Variants in ARID5B observed in about 807,000 individuals in gnomAD.
The protein encoded by ARID5B is AT-rich interaction domain 5B.
ARID5B carries 13 observed loss-of-function variants against 97.2 expected under a neutral mutation model. That is an observed-to-expected ratio of 0.13 (90% confidence interval 0.09 to 0.21). ARID5B has a LOEUF of 0.21. ARID5B is among the 10% of genes least tolerant of loss of function. The pLI, the probability that ARID5B is intolerant of heterozygous loss-of-function variation, is 1.00. For synonymous variants in ARID5B, 556 were observed against 570.3 expected (o/e 0.97, Z 0.36); for missense variants, 1,210 against 1,465.3 (o/e 0.83, Z 2.84).
rs1844372288 is a variant in ARID5B at position 61,940,039 on chromosome 10, T to A, written c.277-144T>A. 4 of 659,894 alleles carry A rather than the reference T, an allele frequency of 6.1e-6. No homozygotes were observed. In the South Asian group the frequency reaches 7.6e-5, roughly 13 times the overall value. The allele number at this position is 659,894 out of a possible 1,614,324, so 40.9% of individuals were successfully genotyped here. A position where few individuals can be genotyped will look rare whatever the true frequency, so the allele number is the denominator to read the frequency against. ...TTGAAATGAAGTGAGTTACTAAAGATTCTGTGTCACCAGAATGCACACAGT... is the reference window on the plus strand; with the variant it reads ...TTGAAATGAAGTGAGTTACTAAAGAATCTGTGTCACCAGAATGCACACAGT... On this transcript the variant is annotated intron_variant, in intron 2 of 9. Coordinates refer to ENST00000279873, the MANE Select transcript of ARID5B (RefSeq NM_032199.3).
At chr10:62,067,495 C>G (rs1231274679) in intron 7 of ARID5B, among the ~76,000 whole-genome samples, 1 of 152,226 alleles carries the variant, frequency 6.6e-6, no homozygotes, top group Non-Finnish European at 1.5e-5. Flanking sequence ...ATGCTGTCCT[C>G]TTAGCTAGAT....
chr10:62,006,157 C>T (rs1839143639), intron 4 of ARID5B, among the ~76,000 whole-genome samples: 1 of 152,094 alleles, frequency 6.6e-6, no homozygotes, highest in Non-Finnish European at 1.5e-5. Context: ...AATGGTCTAA[C>T]CAGGCTGGGC....
At chr10:61,918,379 T>C (rs1843947423) in intron 2 of ARID5B, among the ~76,000 whole-genome samples, 2 of 152,194 alleles carry the variant, frequency 1.3e-5, no homozygotes, top group Admixed American at 1.3e-4. Flanking sequence ...TCAAGTGAGA[T>C]GCTTATGGGC....
chr10:61,949,808 G>C (rs1052928660), intron 3 of ARID5B, among the ~76,000 whole-genome samples: 1 of 152,168 alleles, frequency 6.6e-6, no homozygotes, highest in Non-Finnish European at 1.5e-5. Flanking sequence ...TTCATTTATG[G>C]TCCTATTCCT....
At position 61,901,784 on chromosome 10, in the gene ARID5B, C is replaced by A. The variant is rs1360294141; in HGVS notation, c.21+54C>A. 2.6e-6 allele frequency: 4 copies of A among 1,532,350 alleles called. No individual in the cohort carries two copies. In the South Asian group the frequency reaches 3.4e-5, roughly 13 times the overall value. 94.9% of individuals were successfully genotyped at this position (1,532,350 alleles called of 1,614,324 possible). On this transcript the variant is annotated intron_variant, in intron 1 of 9. Coordinates refer to ENST00000279873, the MANE Select transcript of ARID5B (RefSeq NM_032199.3). ...CCCGGCACCCCCCGGCACCCCCCAA[C>A]CCCCCAGCTCACCCACACCTCTGCA... is the stretch of plus-strand genomic sequence containing the variant.
chr10:62,021,620 T>C (rs1261175755), intron 4 of ARID5B, among the ~76,000 whole-genome samples: 1 of 152,244 alleles, frequency 6.6e-6, no homozygotes, highest in Non-Finnish European at 1.5e-5. Flanking sequence ...ACAGAATGTG[T>C]GAACCAGAAA....
chr10:62,057,206 C>T lies in ARID5B; in HGVS notation c.936C>T (p.Ala312=), dbSNP rs1233176640. 2.5e-6 allele frequency: 4 copies of T among 1,613,130 alleles called. No individual in the cohort carries two copies. Among genetic ancestry groups the T allele is most frequent in the Middle Eastern group, 1.7e-4 (1 of 6,058 alleles). Residue 312 remains alanine, a synonymous_variant, in exon 6 of 10, where the codon GCC becomes GCT. Transcript: ENST00000279873. ...CAAATGAAGAAAAACCAAAGGTTGCCATTGGTGAAGAGTGCAGGGCAGATG... is the reference window on the plus strand; with the variant it reads ...CAAATGAAGAAAAACCAAAGGTTGCTATTGGTGAAGAGTGCAGGGCAGATG... ...KVSNEEKPKV[A]IGEECRADEQ... is the part of the protein sequence containing the mutation.
chr10:62,066,162 T>C (rs73276042), intron 7 of ARID5B, among the ~76,000 whole-genome samples: 2,413 of 152,324 alleles, frequency 0.016, 61 homozygotes, highest in African/African-American at 0.055. Flanking sequence ...AGCATGTTAA[T>C]ACAGAAGGCG....
At chr10:61,989,628 C>G (rs1266885314) in intron 3 of ARID5B, among the ~76,000 whole-genome samples, 2 of 152,144 alleles carry the variant, frequency 1.3e-5, no homozygotes, top group African/African-American at 4.8e-5. Context: ...AATAAATTAT[C>G]TAAAATTTTT....
In ARID5B at chr10:62,091,402, A is replaced by G. The variant is rs1840370159; in HGVS notation, c.1939A>G (p.Lys647Glu). The part of the protein sequence containing the change: ...DIHNALKQTP[K>E]VLVVQSFDMF... ...CCACAATGCGCTCAAGCAGACCCCAAAGGTCCTTGTGGTCCAGTCGTTTGA... is the reference window on the plus strand; with the variant it reads ...CCACAATGCGCTCAAGCAGACCCCAGAGGTCCTTGTGGTCCAGTCGTTTGA... The change falls in exon 10 of 10, where the codon AAG becomes GAG. Residue 647 changes from lysine (K) to glutamate (E), a missense_variant. Lys to Glu is a moderately conservative substitution (Grantham distance 56). Around this residue, in one of 8 missense-constraint regions of ARID5B, gnomAD observed 800 missense variants for 839.1 expected, o/e 0.95. Coordinates refer to ENST00000279873, the MANE Select transcript of ARID5B (RefSeq NM_032199.3). 1.2e-6 allele frequency: 2 copies of G among 1,613,626 alleles called. No individual in the cohort carries two copies. The highest frequency in any genetic ancestry group is 1.3e-5 in the African/African-American group (1 of 74,894).
Position 62,000,134 on chromosome 10 carries a change from C to G in ARID5B, c.546C>G (p.Pro182=), listed in dbSNP as rs200988655. 15 of 1,613,848 alleles carry G rather than the reference C, an allele frequency of 9.3e-6. No individual in the cohort carries two copies. Among genetic ancestry groups the G allele is most frequent in the African/African-American group, 4.0e-5 (3 of 74,890 alleles). Residue 182 remains proline (P), a synonymous_variant, in exon 4 of 10, where the codon CCC becomes CCG. Coordinates refer to ENST00000279873, the MANE Select transcript of ARID5B (RefSeq NM_032199.3). This position sits in a 1 kb window ranked among gnomAD's most constrained non-coding sequence, Gnocchi z 4.4. ...CGAACGTGATAGTTCTCAGCTACCC[C>G]CAGTACTGCCGGTACCGCTCGATGC... is the stretch of plus-strand genomic sequence containing the variant. ...EETNVIVLSY[P]QYCRYRSMLK... is the part of the protein sequence containing the mutation.
At chr10:62,050,825 G>A in intron 4 of ARID5B, 63 bp from the exon 5 acceptor site, 1 of 1,376,608 alleles carries the variant, frequency 7.3e-7, no homozygotes, top group Non-Finnish European at 1.0e-6. Flanking sequence ...GAGATTCTGG[G>A]TCTTTAATAA....
At chr10:62,067,494 T>A (rs1840009541) in intron 7 of ARID5B, among the ~76,000 whole-genome samples, 1 of 152,240 alleles carries the variant, frequency 6.6e-6, no homozygotes, top group African/African-American at 2.4e-5. Context: ...GATGCTGTCC[T>A]CTTAGCTAGA....
At chr10:62,016,337 G>C (rs539050482) in intron 4 of ARID5B, among the ~76,000 whole-genome samples, 1 of 152,196 alleles carries the variant, frequency 6.6e-6, no homozygotes, top group South Asian at 2.1e-4. Context: ...AGACCAATGA[G>C]GTTCATTAAA....
In ARID5B at chr10:62,027,602, C is replaced by T. The variant is rs146951172; in HGVS notation, c.734-23286C>T. ...TGCTGGGATTACAGGTGTGAGCCAT[C>T]GCCACCTCACAGTATCTCTTAAGAA... On this transcript the variant is annotated intron_variant, in intron 4 of 9. Coordinates refer to ENST00000279873, the MANE Select transcript of ARID5B (RefSeq NM_032199.3). 7.4e-3 allele frequency among the ~76,000 whole-genome samples: 1,126 copies of T among 151,966 alleles called. 10 individuals are homozygous for T. Among genetic ancestry groups the T allele is most frequent in the African/African-American group, 0.026 (1,059 of 41,436 alleles).
At chr10:61,973,149 C>A (rs769542863) in intron 3 of ARID5B, among the ~76,000 whole-genome samples, 4 of 152,160 alleles carry the variant, frequency 2.6e-5, no homozygotes, top group Non-Finnish European at 5.9e-5. Flanking sequence ...TGTATCAAGG[C>A]TTCCAGTTGA....
chr10:61,947,200 G>A (rs562527466), intron 3 of ARID5B, among the ~76,000 whole-genome samples: 1 of 150,690 alleles, frequency 6.6e-6, no homozygotes, highest in Non-Finnish European at 1.5e-5. Flanking sequence ...ACAAGAATCT[G>A]CATCCAAGAT....
intron 3 of ARID5B, among the ~76,000 whole-genome samples, chr10:61,958,625 T>C (rs1476884997): frequency 6.6e-6 from 1 of 152,206 alleles, no homozygotes; most frequent in African/African-American, 2.4e-5. Flanking sequence ...TACCAGGATA[T>C]TACTAGAAAT....
At chr10:61,985,137 T>C (rs150132031) in intron 3 of ARID5B, among the ~76,000 whole-genome samples, 47 of 152,050 alleles carry the variant, frequency 3.1e-4, no homozygotes, top group African/African-American at 1.1e-3. Flanking sequence ...TTCTCTTCCC[T>C]GCGAAGACTT....
Sources: gnomAD v4.1 joint callset for allele counts (sites outside exome capture counted in the v4.1 genomes callset) on GRCh38, gnomAD v4.1.1 for gene constraint, gnomAD v4.1.1 regional missense constraint, Gnocchi (gnomAD v3.1) non-coding constraint, MANE v1.5 for transcripts, NCBI Gene and HGNC (gene_info 2026-07-23, HGNC 2026-07-21) for gene names.